ANKS1B: variants seen among roughly 807,000 people sequenced by gnomAD.
The protein encoded by ANKS1B is ankyrin repeat and sterile alpha motif domain containing 1B, also known as ankyrin repeat and sterile alpha motif domain-containing protein 1B.
In ANKS1B, 36 loss-of-function variants were observed where a neutral mutation model predicts 148.3. The observed-to-expected ratio is 0.24, with a 90% CI of 0.19 to 0.32. The LOEUF is 0.32. Among genes scored for constraint, ANKS1B ranks in the 10% least tolerant of loss-of-function variants. The pLI, the probability that ANKS1B is intolerant of heterozygous loss-of-function variation, is 1.00. For synonymous variants in ANKS1B, 542 were observed against 560.8 expected, an observed-to-expected ratio of 0.97 and a Z score of 0.47; for missense variants, 1,157 against 1,542.6, an observed-to-expected ratio of 0.75 and a Z score of 4.19.
chr12:99,474,886 G>C (rs2096291806), intron 10 of ANKS1B, among the ~76,000 whole-genome samples: 1 of 151,936 alleles, frequency 6.6e-6, no homozygotes, highest in Non-Finnish European at 1.5e-5. Flanking sequence ...TTGGGGAAAA[G>C]AGTGAAAATA....
At chr12:99,241,267 C>A (rs891000433) in intron 14 of ANKS1B, among the ~76,000 whole-genome samples, 2 of 152,224 alleles carry the variant, frequency 1.3e-5, no homozygotes, top group African/African-American at 4.8e-5. Context: ...ATACTATAAA[C>A]ACCTCTACGC....
intron 9 of ANKS1B, among the ~76,000 whole-genome samples, chr12:99,627,921 A>G (rs1415419286): frequency 1.3e-5 from 2 of 152,194 alleles, no homozygotes; most frequent in Non-Finnish European, 2.9e-5. Context: ...GCTCACTGAC[A>G]TTAGGAAGAA....
At chr12:99,437,806 C>T (rs1172090883) in intron 11 of ANKS1B, among the ~76,000 whole-genome samples, 1 of 151,934 alleles carries the variant, frequency 6.6e-6, no homozygotes, top group South Asian at 2.1e-4. Context: ...GTTTCCCCAC[C>T]TCTGCTCATC....
rs893778557 is a variant in ANKS1B at position 99,186,507 on chromosome 12, G to C, written c.2420-32112C>G. Among the ~76,000 whole-genome samples, 12 of 152,252 alleles carry C rather than the reference G, an allele frequency of 7.9e-5. No homozygotes were observed. The East Asian group carries it at 2.3e-3, about 29-fold the overall frequency. On this transcript the variant is annotated intron_variant, in intron 14 of 26. Coordinates refer to ENST00000683438, the MANE Select transcript of ANKS1B (RefSeq NM_001352186.2). ...AGGAGAGCTCTGACTGGCATCTGGAGGGTGCCCCTCTGAGATGAAGCTTCC... is the reference window on the plus strand; with the variant it reads ...AGGAGAGCTCTGACTGGCATCTGGACGGTGCCCCTCTGAGATGAAGCTTCC...
At chr12:99,133,611 T>G (rs1009798055) in intron 15 of ANKS1B, among the ~76,000 whole-genome samples, 6 of 152,188 alleles carry the variant, frequency 3.9e-5, no homozygotes, top group African/African-American at 4.8e-5. Flanking sequence ...CAATCATGTT[T>G]ATAATGGTCC....
intron 17 of ANKS1B, among the ~76,000 whole-genome samples, chr12:98,857,317 G>A (rs928858376): frequency 6.6e-6 from 1 of 152,226 alleles, no homozygotes; most frequent in Admixed American, 6.5e-5. Flanking sequence ...TACGGTGTGA[G>A]CAATGCTTGG....
intron 9 of ANKS1B, among the ~76,000 whole-genome samples, chr12:99,571,525 A>G (rs547621974): frequency 6.6e-4 from 100 of 152,244 alleles, no homozygotes; most frequent in African/African-American, 2.4e-3. Flanking sequence ...GTCTGCTATG[A>G]TGAGAAAACC....
At chr12:99,734,855 C>T (rs2059474638) in intron 8 of ANKS1B, among the ~76,000 whole-genome samples, 1 of 152,168 alleles carries the variant, frequency 6.6e-6, no homozygotes, top group African/African-American at 2.4e-5. Flanking sequence ...TCTCAGTTAT[C>T]ATCTTAACCA....
chr12:99,519,995 C>T (rs1033113204), intron 9 of ANKS1B, among the ~76,000 whole-genome samples: 3 of 152,030 alleles, frequency 2.0e-5, no homozygotes, highest in African/African-American at 7.2e-5. Context: ...CTTCTTGTTG[C>T]TTCTCTTTAT....
chr12:99,346,381 G>GTACA (rs10661021), intron 12 of ANKS1B, among the ~76,000 whole-genome samples: 2,601 of 147,862 alleles, frequency 0.018, 76 homozygotes, highest in African/African-American at 0.06. Context: ...TCTCACACAC[G>GTACA]CACACACACA....
rs2099021080 is a variant in ANKS1B at position 98,803,273 on chromosome 12, A to C, written c.3142-2148T>G. On this transcript the variant is annotated intron_variant, in intron 20 of 26. Transcript: ENST00000683438. ...AGCTGAGTGTAATAACCTTTAAGTG[A>C]TAATAGCTTAAAATTCTGGAAACAT... Among the ~76,000 whole-genome samples, 4 of 152,206 alleles carry C rather than the reference A, an allele frequency of 2.6e-5. No individual in the cohort carries two copies. The South Asian group carries it at 8.3e-4, about 32-fold the overall frequency.
At chr12:98,738,554 A>G (rs1055493922) in intron 9 of ANKS1B, among the ~76,000 whole-genome samples, 1 of 152,180 alleles carries the variant, frequency 6.6e-6, no homozygotes, top group African/African-American at 2.4e-5. Flanking sequence ...TCTTCACAGA[A>G]GTTGAGTGGA....
chr12:99,144,311 T>C (rs1478470258), intron 15 of ANKS1B, among the ~76,000 whole-genome samples: 4 of 150,854 alleles, frequency 2.7e-5, no homozygotes, highest in Non-Finnish European at 5.9e-5. Context: ...GCTAGAAAGG[T>C]GACAAGTTCC....
chr12:99,234,182 C>A (rs1022232469), intron 14 of ANKS1B, among the ~76,000 whole-genome samples: 2 of 152,112 alleles, frequency 1.3e-5, no homozygotes, highest in Admixed American at 6.6e-5. Context: ...CTACATAAAA[C>A]GGTGTTTCCT....
At chr12:98,950,859 G>T (rs1464772888) in intron 17 of ANKS1B, among the ~76,000 whole-genome samples, 1 of 152,126 alleles carries the variant, frequency 6.6e-6, no homozygotes, top group African/African-American at 2.4e-5. Context: ...TTAAACTCCT[G>T]GGTTCAAGGA....
intron 8 of ANKS1B, among the ~76,000 whole-genome samples, chr12:99,674,867 AC>A (rs1201135920): frequency 6.6e-6 from 1 of 151,934 alleles, no homozygotes; most frequent in Non-Finnish European, 1.5e-5. Flanking sequence ...TACAATAAAT[AC>A]AACAAAATAA....
At chr12:99,952,677 C>T (rs906462275) in intron 1 of ANKS1B, among the ~76,000 whole-genome samples, 2 of 152,164 alleles carry the variant, frequency 1.3e-5, no homozygotes, top group African/African-American at 4.8e-5. Flanking sequence ...CTGTGTTTTA[C>T]TCCCAGTTTT....
intron 12 of ANKS1B, among the ~76,000 whole-genome samples, chr12:99,288,255 C>A (rs143380931): frequency 6.6e-6 from 1 of 151,828 alleles, no homozygotes; most frequent in Non-Finnish European, 1.5e-5. Context: ...CAGGAGAGAG[C>A]GGCATGATAT....
chr12:99,853,954 T>C (rs1408415554), intron 1 of ANKS1B, among the ~76,000 whole-genome samples: 1 of 152,120 alleles, frequency 6.6e-6, no homozygotes, highest in Non-Finnish European at 1.5e-5. Context: ...GCAACAGAAT[T>C]GAACAAGTAG....
Sources: gnomAD v4.1 joint callset for allele counts (sites outside exome capture counted in the v4.1 genomes callset) on GRCh38, gnomAD v4.1.1 for gene constraint, MANE v1.5 for transcripts, NCBI Gene and HGNC (gene_info 2026-07-23, HGNC 2026-07-21) for gene names.